USH2A: variants seen among roughly 807,000 people sequenced by gnomAD.
USH2A encodes usherin.
In USH2A, 443 loss-of-function variants were observed where a neutral mutation model predicts 538.9. The observed-to-expected ratio is 0.82, with a 90% CI of 0.76 to 0.89. The LOEUF is 0.89. USH2A is among the 40% of genes least tolerant of loss of function. USH2A has a pLI of 0.00. For synonymous variants in USH2A, 2,413 were observed against 2,273.5 expected (o/e 1.06, Z -1.75); for missense variants, 6,633 against 6,324.8 (o/e 1.05, Z -1.65).
chr1:216,251,442 C>CTTTTTTTT (rs779947689), intron 11 of USH2A, among the ~76,000 whole-genome samples: 6 of 80,338 alleles, frequency 7.5e-5, no homozygotes, highest in African/African-American at 8.9e-5. Context: ...ACCACTTCCC[C>CTTTTTTTT]TTTTTTTTTT....
At chr1:216,325,079 G>T (rs985948562) in intron 6 of USH2A, among the ~76,000 whole-genome samples, 1 of 152,124 alleles carries the variant, frequency 6.6e-6, no homozygotes, top group African/African-American at 2.4e-5. Flanking sequence ...AAGTTGTGGT[G>T]CCACAAGCCA....
intron 22 of USH2A, among the ~76,000 whole-genome samples, chr1:216,093,011 G>T (rs1478766239): frequency 6.6e-6 from 1 of 151,952 alleles, no homozygotes; most frequent in Non-Finnish European, 1.5e-5. Flanking sequence ...TGTCACCCAG[G>T]TTGGAGTGCA....
At chr1:216,346,659 C>T (rs2038181284) in intron 4 of USH2A, among the ~76,000 whole-genome samples, 1 of 151,476 alleles carries the variant, frequency 6.6e-6, no homozygotes, top group African/African-American at 2.4e-5. Flanking sequence ...GGGCTAATTC[C>T]CTCTTTTTGG....
chr1:215,665,000 G>A (rs1011621166), intron 64 of USH2A, among the ~76,000 whole-genome samples: 1 of 152,180 alleles, frequency 6.6e-6, no homozygotes. Flanking sequence ...CAAATATCCA[G>A]AAGTAGTGAG....
chr1:216,121,140 T>A (rs2033130331), intron 21 of USH2A, among the ~76,000 whole-genome samples: 1 of 152,188 alleles, frequency 6.6e-6, no homozygotes, highest in South Asian at 2.1e-4. Flanking sequence ...TAGCCAATAA[T>A]ATATATTAGT....
intron 32 of USH2A, among the ~76,000 whole-genome samples, chr1:216,038,295 C>T (rs1470553514): frequency 2.6e-5 from 4 of 151,932 alleles, no homozygotes; most frequent in East Asian, 1.9e-4. Context: ...TGATATTTGT[C>T]CTTGCTTCAA....
chr1:216,266,660 G>T (rs1290837731), intron 11 of USH2A, among the ~76,000 whole-genome samples: 11 of 152,120 alleles, frequency 7.2e-5, no homozygotes, highest in Non-Finnish European at 1.6e-4. Flanking sequence ...GCTCTAGGCT[G>T]ATAGCAGGGC....
chr1:215,926,523 A>G (rs1197825747), intron 38 of USH2A, among the ~76,000 whole-genome samples: 2 of 151,146 alleles, frequency 1.3e-5, no homozygotes, highest in Admixed American at 6.6e-5. Flanking sequence ...TGCCTCTCCT[A>G]CTTGGGTAGG....
rs539543459 is a variant in USH2A, at chr1:215,779,570, A to G, written c.10939+273T>C. On this transcript the variant is annotated intron_variant, in intron 55 of 71. Transcript: ENST00000307340. ...GAAAATGCATCTTACTGTTTGTTTGAAAAAAAAAGTTAATACTGATGCAAA... is the reference window on the plus strand; with the variant it reads ...GAAAATGCATCTTACTGTTTGTTTGGAAAAAAAAGTTAATACTGATGCAAA... Among the ~76,000 whole-genome samples the G allele has an allele frequency of 6.6e-5, 10 of 151,634 alleles. No homozygotes were observed. The East Asian group carries it at 1.9e-3, about 29-fold the overall frequency.
rs994400152 is a variant in USH2A, at chr1:216,421,927, G to A, written c.410C>T (p.Ser137Phe). 3.1e-6 allele frequency: 5 copies of A among 1,613,842 alleles called. No homozygotes were observed. The African/African-American group carries it at 4.0e-5, about 13-fold the overall frequency. Residue 137 changes from serine (S) to phenylalanine (F), a missense_variant, in exon 2 of 72, where the codon TCT becomes TTT. Physicochemically the swap from Ser to Phe is radical, Grantham distance 155 (BLOSUM62 -2). Transcript: ENST00000307340. The part of the protein sequence containing the change: ...FIFGNHKSCF[S>F]SPPSPKLMAS... Reference sequence around the variant, plus strand: ...CATCAGCTTTGGAGAAGGAGGAGAAGAAAAGCAGCTCTTGTGATTTCCAAA... The same window carrying A: ...CATCAGCTTTGGAGAAGGAGGAGAAAAAAAGCAGCTCTTGTGATTTCCAAA...
intron 20 of USH2A, among the ~76,000 whole-genome samples, chr1:216,186,237 C>T (rs77177357): frequency 6.7e-6 from 1 of 148,822 alleles, no homozygotes; most frequent in South Asian, 2.1e-4. Flanking sequence ...AAAAAAAAAA[C>T]ACATTTGAAA....
Position 216,308,339 on chromosome 1 carries a change from TACC to T in USH2A, c.1644+13541_1644+13543del, listed in dbSNP as rs564666681. Among the ~76,000 whole-genome samples the T allele has an allele frequency of 5.4e-3, 821 of 152,284 alleles. 6 individuals are homozygous for T. The highest frequency in any genetic ancestry group is 8.2e-3 in the Non-Finnish European group (559 of 68,028). On this transcript the variant is annotated intron_variant, in intron 9 of 71. Coordinates refer to ENST00000307340, the MANE Select transcript of USH2A (RefSeq NM_206933.4). ...CATAAGTGGTGTATGAGTCCCCACT[TACC>T]AGTTCCTGAAATTTCCAGATTTTGC...
At position 215,743,416 on chromosome 1, in the gene USH2A, G is replaced by GTCTATA. The variant is rs1491186893; in HGVS notation, c.11390-82_11390-81insTATAGA. The GTCTATA allele has an allele frequency of 2.4e-4, 58 of 238,494 alleles. 3 individuals are homozygous for GTCTATA. The highest frequency in any genetic ancestry group is 2.5e-4 in the Non-Finnish European group (35 of 141,208). The allele number at this position is 238,494 out of a possible 1,614,324, so 14.8% of individuals were successfully genotyped here. On this transcript the variant is annotated intron_variant, in intron 58 of 71. Transcript: ENST00000307340. ...TGTGTGTGTGTGTGTGTGTGTGTGT[G>GTCTATA]TATATATATATAGACACACATATAT...
At chr1:216,046,294 AT>A (rs908912830) in intron 32 of USH2A, 136 bp downstream of exon 32, 3 of 896,226 alleles carry the variant, frequency 3.3e-6, no homozygotes, top group Admixed American at 4.9e-5. Flanking sequence ...TTCTGTTGTT[AT>A]TTTTTTCACA....
intron 4 of USH2A, among the ~76,000 whole-genome samples, chr1:216,330,923 A>C (rs1027451217): frequency 6.6e-6 from 1 of 152,062 alleles, no homozygotes; most frequent in African/African-American, 2.4e-5. Context: ...CCTATATTTT[A>C]ATAATAGCTA....
At position 216,232,149 on chromosome 1, in the gene USH2A, A is replaced by T. The variant is rs1472347738; in HGVS notation, c.2810-13T>A. On this transcript the variant is annotated splice_polypyrimidine_tract_variant and intron_variant, in intron 13 of 71. Transcript: ENST00000307340. ...GAAATATAAAAACCTAGAAATAAAG[A>T]AATTAAAAGTTTTATATATACTTTT... 3 of 1,608,258 alleles carry T rather than the reference A, an allele frequency of 1.9e-6. No homozygotes were observed. The highest frequency in any genetic ancestry group is 2.5e-6 in the Non-Finnish European group (3 of 1,177,484).
At chr1:215,785,795 C>T (rs1661781510) in intron 52 of USH2A, among the ~76,000 whole-genome samples, 1 of 152,082 alleles carries the variant, frequency 6.6e-6, no homozygotes, top group East Asian at 1.9e-4. Flanking sequence ...TTGAGGTTAG[C>T]CATTATTGCC....
intron 11 of USH2A, among the ~76,000 whole-genome samples, chr1:216,265,588 G>A (rs1444053165): frequency 6.6e-6 from 1 of 151,644 alleles, no homozygotes; most frequent in Non-Finnish European, 1.5e-5. Flanking sequence ...CTAAGATATA[G>A]AATCAACCTA....
intron 60 of USH2A, among the ~76,000 whole-genome samples, chr1:215,735,638 T>C (rs1278085583): frequency 1.3e-5 from 2 of 152,162 alleles, no homozygotes; most frequent in Non-Finnish European, 2.9e-5. Context: ...GATAGCCTAA[T>C]ATTTGGAGAT....
Sources: gnomAD v4.1 joint callset for allele counts (sites outside exome capture counted in the v4.1 genomes callset) on GRCh38, gnomAD v4.1.1 for gene constraint, MANE v1.5 for transcripts, NCBI Gene and HGNC (gene_info 2026-07-23, HGNC 2026-07-21) for gene names.